MGA: variants seen among roughly 807,000 people sequenced by gnomAD.
MGA encodes the protein MAX gene-associated protein.
Under a neutral mutation model 261.1 loss-of-function variants are expected in MGA, and 40 were observed. That is an observed-to-expected ratio of 0.15 (90% confidence interval 0.12 to 0.20). The LOEUF (loss-of-function observed/expected upper bound fraction) is 0.20, where lower values mean the gene tolerates loss of function less well. MGA is among the 10% of genes least tolerant of loss of function. The pLI is 1.00. For missense variants in MGA, 3,397 were observed against 3,630.5 expected (o/e 0.94, Z 1.65); for synonymous variants, 1,302 against 1,290.6 (o/e 1.01, Z -0.19).
chr15:41,707,444 C>T (rs1313277314), intron 5 of MGA, among the ~76,000 whole-genome samples: 2 of 152,194 alleles, frequency 1.3e-5, no homozygotes, highest in South Asian at 4.1e-4. Context: ...GTCCCATCTC[C>T]CTTACCACAT....
Position 41,710,673 on chromosome 15 carries a change from A to G in MGA, c.2426-18A>G. ...TGTCCTAGATTTCTTTAAGCATTTT[A>G]TGTTTTCTTATTTCTAGGTGGAAAT... On this transcript the variant is annotated intron_variant, in intron 7 of 23. Coordinates refer to ENST00000219905, the MANE Select transcript of MGA (RefSeq NM_001164273.2). The G allele has an allele frequency of 1.3e-6, 2 of 1,578,118 alleles. No homozygotes were observed. Among genetic ancestry groups the G allele is most frequent in the Non-Finnish European group, 1.7e-6 (2 of 1,164,916 alleles).
At chr15:41,690,994 G>GT (rs386382831) in intron 2 of MGA, among the ~76,000 whole-genome samples, 3,726 of 104,320 alleles carry the variant, frequency 0.036, 207 homozygotes, top group African/African-American at 0.11. Flanking sequence ...AGATTGCTTT[G>GT]TTTTTTTTTT....
At chr15:41,650,012 A>T (rs1731237749) in intron 1 of MGA, among the ~76,000 whole-genome samples, 1 of 152,190 alleles carries the variant, frequency 6.6e-6, no homozygotes, top group South Asian at 2.1e-4. Context: ...CAGTAACCAA[A>T]GTAATTCTTT....
At chr15:41,678,353 AGT>A (rs1047555034) in intron 2 of MGA, among the ~76,000 whole-genome samples, 10 of 151,566 alleles carry the variant, frequency 6.6e-5, no homozygotes, top group African/African-American at 2.4e-4. Context: ...AGCCTCCCAA[AGT>A]GTTGGGATTA....
chr15:41,633,595 G>A lies in MGA; in HGVS notation c.-68+12297G>A, dbSNP rs148739480. ...GAGCCACAATACTTGGCTAATTTCT[G>A]TATTTTTAGTAGAGACGGGTTTTTG... On this transcript the variant is annotated intron_variant, in intron 1 of 8. Transcript: ENST00000566718. 1.4e-3 allele frequency among the ~76,000 whole-genome samples: 219 copies of A among 152,122 alleles called. 1 individual carries two copies. The highest frequency in any genetic ancestry group is 5.1e-3 in the African/African-American group (210 of 41,506).
At position 41,754,889 on chromosome 15, in the gene MGA, T is replaced by C. The variant is rs557771011; in HGVS notation, c.7139+322T>C. Reference sequence around the variant, plus strand: ...CTCTGAACCTCAGATTCTTTACCTATGAAATGAGGAAAATGCCCCCATTTG... The same window carrying C: ...CTCTGAACCTCAGATTCTTTACCTACGAAATGAGGAAAATGCCCCCATTTG... On this transcript the variant is annotated intron_variant, in intron 18 of 23. Coordinates refer to ENST00000219905, the MANE Select transcript of MGA (RefSeq NM_001164273.2). Among the ~76,000 whole-genome samples the C allele has an allele frequency of 4.5e-4, 68 of 152,310 alleles. No homozygotes were observed. The South Asian group carries it at 0.011, about 24-fold the overall frequency.
Position 41,766,758 on chromosome 15 carries a change from G to A in MGA, c.8676G>A (p.Gly2892=), listed in dbSNP as rs760215938. 2 of 1,613,942 alleles carry A rather than the reference G, an allele frequency of 1.2e-6. No individual in the cohort carries two copies. The highest frequency in any genetic ancestry group is 2.2e-5 in the South Asian group (2 of 91,074). Reference sequence around the variant, plus strand: ...TGAAAGAGTTGCCTGATGTTCAAGGGGAGAGTGACTCTATCAGTCCCCTCC... The same window carrying A: ...TGAAAGAGTTGCCTGATGTTCAAGGAGAGAGTGACTCTATCAGTCCCCTCC... The change falls in exon 24 of 24, where the codon GGG becomes GGA. Residue 2892 remains glycine, a synonymous_variant. Transcript: ENST00000219905.
At chr15:41,628,509 A>T (rs1269802415) in intron 1 of MGA, among the ~76,000 whole-genome samples, 1 of 151,924 alleles carries the variant, frequency 6.6e-6, no homozygotes, top group Non-Finnish European at 1.5e-5. Flanking sequence ...GACCTGAATG[A>T]TAAAGAGTAA....
At chr15:41,753,381 T>G (rs1402368352) in intron 17 of MGA, among the ~76,000 whole-genome samples, 5 of 151,842 alleles carry the variant, frequency 3.3e-5, no homozygotes, top group Non-Finnish European at 5.9e-5. Context: ...TAAACACTTT[T>G]TTTTTTTTTT....
chr15:41,664,647 T>C (rs568575655), intron 1 of MGA, among the ~76,000 whole-genome samples: 26 of 152,346 alleles, frequency 1.7e-4, no homozygotes, highest in Middle Eastern at 3.4e-3. Context: ...TGCATACTTA[T>C]TCACAAAAAT....
chr15:41,627,628 A>C (rs2056486824), intron 1 of MGA, among the ~76,000 whole-genome samples: 1 of 152,222 alleles, frequency 6.6e-6, no homozygotes, highest in African/African-American at 2.4e-5. Flanking sequence ...ATATCTGTTG[A>C]TATTCTACAC....
At chr15:41,647,754 C>CTT (rs34246274) in intron 1 of MGA, among the ~76,000 whole-genome samples, 1 of 151,942 alleles carries the variant, frequency 6.6e-6, no homozygotes, top group Admixed American at 6.6e-5. Flanking sequence ...TAAGGTTCAC[C>CTT]TTTTTTATCT....
chr15:41,710,660 C>A (rs1344857637), intron 7 of MGA, 31 bp from the exon 8 acceptor site: 3 of 1,555,002 alleles, frequency 1.9e-6, no homozygotes, highest in East Asian at 2.2e-5. Context: ...TCCTAGATTT[C>A]TTTAAGCATT....
chr15:41,643,180 A>G (rs2056860110), intron 1 of MGA, among the ~76,000 whole-genome samples: 1 of 148,920 alleles, frequency 6.7e-6, no homozygotes, highest in South Asian at 2.1e-4. Context: ...CTGGGATTAC[A>G]GGTGTGAGCC....
At chr15:41,664,749 G>T (rs933821898) in intron 1 of MGA, among the ~76,000 whole-genome samples, 22 of 151,922 alleles carry the variant, frequency 1.4e-4, no homozygotes, top group Admixed American at 6.6e-4. Context: ...CATTGTAGAG[G>T]TATTTTTTTT....
chr15:41,651,201 C>G (rs1369480259), intron 1 of MGA, among the ~76,000 whole-genome samples: 1 of 152,196 alleles, frequency 6.6e-6, no homozygotes, highest in Non-Finnish European at 1.5e-5. Context: ...TCACTCCTTA[C>G]TAAGGCCCCA....
At chr15:41,753,903 A>T (rs1434313800) in intron 17 of MGA, among the ~76,000 whole-genome samples, 1 of 152,094 alleles carries the variant, frequency 6.6e-6, no homozygotes, top group East Asian at 1.9e-4. Flanking sequence ...AAGTTTAATT[A>T]TGTCTGTTTA....
Position 41,748,710 on chromosome 15 carries a change from G to A in MGA, c.5286G>A (p.Leu1762=). The A allele has an allele frequency of 1.2e-6, 2 of 1,613,952 alleles. No individual in the cohort carries two copies. Among genetic ancestry groups the A allele is most frequent in the Non-Finnish European group, 1.7e-6 (2 of 1,179,880 alleles). Residue 1762 remains leucine (L), a synonymous_variant, in exon 16 of 24, where the codon TTG becomes TTA. Transcript: ENST00000219905. ...CAGTGAAACGTGCTGGACCTCGATT[G>A]TTGTTGATTCCAGTGCAGCAGGGTT...
rs2151989860 is a variant in MGA, at chr15:41,760,304, G to A, written c.7192-19G>A. 6.2e-7 allele frequency: 1 copy of A among 1,612,206 alleles called. No homozygotes were observed. Among genetic ancestry groups the A allele is most frequent in the Admixed American group, 1.7e-5 (1 of 60,024 alleles). On this transcript the variant is annotated intron_variant, in intron 19 of 23. Transcript: ENST00000219905. Reference sequence around the variant, plus strand: ...AACTACATGTTCAAGATGTTTAGGAGGCAATCTTGTTTGGACAGGCTCCAC... The same window carrying A: ...AACTACATGTTCAAGATGTTTAGGAAGCAATCTTGTTTGGACAGGCTCCAC...
Sources: gnomAD v4.1 joint callset for allele counts (sites outside exome capture counted in the v4.1 genomes callset) on GRCh38, gnomAD v4.1.1 for gene constraint, MANE v1.5 for transcripts, NCBI Gene and HGNC (gene_info 2026-07-23, HGNC 2026-07-21) for gene names.